PPARGC1A: variants seen among roughly 807,000 people sequenced by gnomAD.
PPARGC1A encodes peroxisome proliferator-activated receptor gamma coactivator 1-alpha.
PPARGC1A carries 25 observed loss-of-function variants against 88.7 expected under a neutral mutation model. The ratio of observed to expected loss-of-function variants is 0.28; its 90% confidence interval spans 0.21 to 0.39. The LOEUF is 0.39. PPARGC1A is among the 10% of genes least tolerant of loss of function. The probability of loss-of-function intolerance (pLI) is 1.00; values close to 1 mark genes in which losing one functional copy is unlikely to be tolerated. For missense variants in PPARGC1A, 880 were observed against 968.7 expected (o/e 0.91, Z 1.22); for synonymous variants, 363 against 355.6 (o/e 1.02, Z -0.24).
At chr4:23,966,959 A>G in the PPARGC1A span, among the ~76,000 whole-genome samples, 1 of 152,252 alleles carries the variant, frequency 6.6e-6, no homozygotes, top group South Asian at 2.1e-4. Context: ...GCATTTCTTC[A>G]TGTGTGAGTA....
At chr4:23,968,222 G>A in the PPARGC1A span, among the ~76,000 whole-genome samples, 1 of 152,192 alleles carries the variant, frequency 6.6e-6, no homozygotes, top group Admixed American at 6.5e-5. Context: ...ATGGGAATCT[G>A]ATAGTATTTT....
chr4:24,099,287 C>CAAA, the PPARGC1A span, among the ~76,000 whole-genome samples: 1,259 of 66,714 alleles, frequency 0.019, 26 homozygotes, highest in African/African-American at 0.056. Flanking sequence ...CTCCCTCCTG[C>CAAA]AAAAAAAAAA....
At chr4:23,938,489 C>T in the PPARGC1A span, among the ~76,000 whole-genome samples, 1 of 152,208 alleles carries the variant, frequency 6.6e-6, no homozygotes, top group East Asian at 1.9e-4. Context: ...CAGGAGCATG[C>T]AGTAGAGAGA....
the PPARGC1A span, among the ~76,000 whole-genome samples, chr4:24,382,503 C>T: frequency 5.9e-5 from 9 of 152,104 alleles, no homozygotes; most frequent in Admixed American, 2.6e-4. Flanking sequence ...GAAACTGCTA[C>T]GTAAGAAAAA....
chr4:24,216,118 G>A, the PPARGC1A span, among the ~76,000 whole-genome samples: 374 of 146,296 alleles, frequency 2.6e-3, 2 homozygotes, highest in African/African-American at 8.6e-3. Context: ...TCACAACAAA[G>A]GCCCATCCAT....
the PPARGC1A span, among the ~76,000 whole-genome samples, chr4:24,130,499 C>T: frequency 1.3e-5 from 2 of 152,144 alleles, no homozygotes; most frequent in Admixed American, 6.5e-5. Flanking sequence ...TCCACCTGTG[C>T]ACAACACATT....
At chr4:24,353,817 G>C in the PPARGC1A span, among the ~76,000 whole-genome samples, 15 of 152,290 alleles carry the variant, frequency 9.8e-5, no homozygotes, top group African/African-American at 3.6e-4. Context: ...TCTTGATTTT[G>C]ATAGGAAACG....
the PPARGC1A span, among the ~76,000 whole-genome samples, chr4:24,339,210 GTGTATATATATA>G: frequency 0.017 from 1,912 of 110,506 alleles, 37 homozygotes; most frequent in Admixed American, 0.055. Flanking sequence ...GTGTGTGTGT[GTGTATATATATA>G]TATATATATA....
At chr4:24,193,062 T>C in the PPARGC1A span, among the ~76,000 whole-genome samples, 82 of 152,212 alleles carry the variant, frequency 5.4e-4, no homozygotes, top group Non-Finnish European at 9.4e-4. Flanking sequence ...TAAATGCAAA[T>C]AGTTTAGCAT....
the PPARGC1A span, among the ~76,000 whole-genome samples, chr4:24,225,720 C>G: frequency 2.0e-5 from 3 of 151,950 alleles, no homozygotes; most frequent in Non-Finnish European, 4.4e-5. Flanking sequence ...AATGGAGCTT[C>G]TAGGTGCTGA....
the PPARGC1A span, among the ~76,000 whole-genome samples, chr4:24,107,567 A>G: frequency 1.3e-5 from 2 of 152,194 alleles, no homozygotes; most frequent in Admixed American, 6.5e-5. Flanking sequence ...TTCCCCAGCT[A>G]TAAGTAGACC....
chr4:23,873,599 A>T (rs1230966977), intron 2 of PPARGC1A, among the ~76,000 whole-genome samples: 4 of 131,116 alleles, frequency 3.1e-5, no homozygotes, highest in Non-Finnish European at 5.0e-5. Flanking sequence ...AATTTGGTTC[A>T]ATAATTTTTT....
At chr4:23,935,867 C>A in the PPARGC1A span, among the ~76,000 whole-genome samples, 1 of 151,642 alleles carries the variant, frequency 6.6e-6, no homozygotes, top group African/African-American at 2.4e-5. Context: ...AACAGTAAGA[C>A]ATGAACCTTA....
the PPARGC1A span, among the ~76,000 whole-genome samples, chr4:24,129,782 G>A: frequency 6.6e-6 from 1 of 152,136 alleles, no homozygotes; most frequent in Non-Finnish European, 1.5e-5. Context: ...TTAAGAAAAT[G>A]TGGCACATAT....
chr4:24,088,616 T>C, the PPARGC1A span, among the ~76,000 whole-genome samples: 4 of 152,160 alleles, frequency 2.6e-5, no homozygotes, highest in African/African-American at 7.2e-5. Context: ...GCCAGAGTAC[T>C]TGTAAGAATT....
chr4:23,937,478 T>C, the PPARGC1A span, among the ~76,000 whole-genome samples: 1 of 151,870 alleles, frequency 6.6e-6, no homozygotes, highest in African/African-American at 2.4e-5. Context: ...CACAACTTCC[T>C]TTTTCTTTTC....
the PPARGC1A span, among the ~76,000 whole-genome samples, chr4:24,451,048 T>C: frequency 6.6e-6 from 1 of 152,198 alleles, no homozygotes; most frequent in Non-Finnish European, 1.5e-5. Flanking sequence ...CTAAGAGTAA[T>C]AGTAAAGGAA....
At chr4:24,144,517 A>C in the PPARGC1A span, among the ~76,000 whole-genome samples, 2 of 152,094 alleles carry the variant, frequency 1.3e-5, no homozygotes, top group Admixed American at 6.6e-5. Flanking sequence ...CAGATGTGCA[A>C]CCTGAGATTT....
At chr4:24,225,781 C>G in the PPARGC1A span, among the ~76,000 whole-genome samples, 10,022 of 152,040 alleles carry the variant, frequency 0.066, 396 homozygotes, top group African/African-American at 0.11. Flanking sequence ...AATCAAGAGT[C>G]ACCCTTGGGA....
Sources: gnomAD v4.1 joint callset for allele counts (sites outside exome capture counted in the v4.1 genomes callset) on GRCh38, gnomAD v4.1.1 for gene constraint, MANE v1.5 for transcripts, NCBI Gene and HGNC (gene_info 2026-07-23, HGNC 2026-07-21) for gene names.